Variants in CELF2 observed in about 807,000 individuals in gnomAD.
CELF2 encodes CUGBP Elav-like family member 2.
A neutral mutation model predicts 62.6 loss-of-function variants in CELF2; 8 were observed. The observed-to-expected ratio is 0.13, with a 90% CI of 0.07 to 0.23. The LOEUF is 0.23. Ranked by LOEUF, CELF2 falls within the 10% of genes least tolerant of loss-of-function variation. The pLI is 1.00. For synonymous variants in CELF2, 258 were observed against 250.0 expected, an observed-to-expected ratio of 1.03 and a Z score of -0.30; for missense variants, 333 against 671.0, an observed-to-expected ratio of 0.50 and a Z score of 5.56.
In CELF2 at chr10:11,331,090, C is replaced by A. The variant is rs1192090065; in HGVS notation, c.*2037C>A. Reference sequence around the variant, plus strand: ...TGCTACCTATTTGTGTCACCTTTTGCTGAACTCACAGTTAGACAATCCATG... The same window carrying A: ...TGCTACCTATTTGTGTCACCTTTTGATGAACTCACAGTTAGACAATCCATG... On this transcript the variant is annotated 3_prime_UTR_variant, in exon 13 of 13. Coordinates refer to ENST00000633077, the MANE Select transcript of CELF2 (RefSeq NM_001326342.2). The A allele has an allele frequency of 6.6e-6, 1 of 152,418 alleles. No individual in the cohort carries two copies. The highest frequency in any genetic ancestry group is 1.5e-5 in the Non-Finnish European group (1 of 67,994). The allele number at this position is 152,418 out of a possible 1,614,324, so 9.4% of individuals were successfully genotyped here. A position where few individuals can be genotyped will look rare whatever the true frequency, so the allele number is the denominator to read the frequency against.
chr10:10,582,157 C>T, the CELF2 span, among the ~76,000 whole-genome samples: 1 of 152,198 alleles, frequency 6.6e-6, no homozygotes, highest in Admixed American at 6.5e-5. Flanking sequence ...TCCTATCATA[C>T]TTTCTATCCA....
chr10:11,254,692 C>A (rs1315838154), intron 4 of CELF2, among the ~76,000 whole-genome samples: 1 of 152,172 alleles, frequency 6.6e-6, no homozygotes, highest in Non-Finnish European at 1.5e-5. Flanking sequence ...AAACCAAGGA[C>A]TTGGTGGGAA....
chr10:10,683,582 T>C, the CELF2 span, among the ~76,000 whole-genome samples: 3,252 of 152,278 alleles, frequency 0.021, 93 homozygotes, highest in South Asian at 0.079. Context: ...GAATAACATG[T>C]AGTGAACTGA....
the CELF2 span, among the ~76,000 whole-genome samples, chr10:10,756,707 A>G: frequency 9.2e-5 from 14 of 152,218 alleles, no homozygotes; most frequent in East Asian, 1.9e-4. Flanking sequence ...ATTCACATCT[A>G]TTCACTCTAT....
the CELF2 span, among the ~76,000 whole-genome samples, chr10:10,710,420 A>G: frequency 1.3e-5 from 2 of 152,206 alleles, no homozygotes; most frequent in Non-Finnish European, 2.9e-5. Flanking sequence ...ATTACAGGGA[A>G]ACCAGAAGCA....
At chr10:10,480,315 T>A in the CELF2 span, among the ~76,000 whole-genome samples, 1 of 152,202 alleles carries the variant, frequency 6.6e-6, no homozygotes, top group African/African-American at 2.4e-5. Flanking sequence ...ACTGAAGCAG[T>A]GGATCCCCCT....
At chr10:10,602,099 A>G in the CELF2 span, among the ~76,000 whole-genome samples, 1 of 152,172 alleles carries the variant, frequency 6.6e-6, no homozygotes, top group Non-Finnish European at 1.5e-5. Flanking sequence ...ATAGTATTCC[A>G]TGGTGTATAT....
chr10:10,471,450 A>C, the CELF2 span, among the ~76,000 whole-genome samples: 1 of 151,748 alleles, frequency 6.6e-6, no homozygotes, highest in Non-Finnish European at 1.5e-5. Context: ...TAATTGTTAC[A>C]TTATACTGCT....
the CELF2 span, among the ~76,000 whole-genome samples, chr10:10,691,909 C>T: frequency 2.0e-5 from 3 of 150,402 alleles, no homozygotes; most frequent in Admixed American, 6.6e-5. Context: ...GGATATTAGC[C>T]CTTTGTCAGA....
chr10:11,020,540 G>T (rs1478295382), intron 1 of CELF2, among the ~76,000 whole-genome samples: 1 of 152,158 alleles, frequency 6.6e-6, no homozygotes, highest in Non-Finnish European at 1.5e-5. Flanking sequence ...TTGTTTTAGG[G>T]ACTGGTTGTC....
At chr10:11,149,184 C>T (rs1456434772) in intron 1 of CELF2, among the ~76,000 whole-genome samples, 1 of 152,182 alleles carries the variant, frequency 6.6e-6, no homozygotes, top group African/African-American at 2.4e-5. Context: ...GATTCTCATG[C>T]CTCAGCCTCC....
the CELF2 span, among the ~76,000 whole-genome samples, chr10:10,615,257 T>C: frequency 5.9e-5 from 9 of 152,244 alleles, no homozygotes; most frequent in African/African-American, 2.2e-4. Context: ...CCAATTCACC[T>C]ACTGTTTAAA....
At chr10:11,056,342 C>A (rs2140266058) in intron 1 of CELF2, among the ~76,000 whole-genome samples, 1 of 152,330 alleles carries the variant, frequency 6.6e-6, no homozygotes, top group South Asian at 2.1e-4. Context: ...TCACGTCTGC[C>A]TTTTCTAAGA....
At chr10:10,722,336 A>T in the CELF2 span, among the ~76,000 whole-genome samples, 1 of 150,864 alleles carries the variant, frequency 6.6e-6, no homozygotes, top group East Asian at 1.9e-4. Context: ...TAAAAAACTT[A>T]AAAAAAAACG....
chr10:10,858,493 G>A (rs1350320399), intron 1 of CELF2, among the ~76,000 whole-genome samples: 1 of 152,094 alleles, frequency 6.6e-6, no homozygotes, highest in Non-Finnish European at 1.5e-5. Flanking sequence ...CATCAGAGAA[G>A]CCTTATTGAT....
At position 11,227,553 on chromosome 10, in the gene CELF2, G is replaced by A. The variant is rs2067048138; in HGVS notation, c.354+10046G>A. 6.6e-6 allele frequency among the ~76,000 whole-genome samples: 1 copy of A among 152,192 alleles called. No homozygotes were observed. The highest frequency in any genetic ancestry group is 6.5e-5 in the Admixed American group (1 of 15,282). On this transcript the variant is annotated intron_variant, in intron 3 of 12. Coordinates refer to ENST00000633077, the MANE Select transcript of CELF2 (RefSeq NM_001326342.2). The surrounding 1 kb of genome is among the most constrained non-coding windows in gnomAD (Gnocchi z 4.8). ...GCTGAGCACTGGCTGCGATATTAGGGCCAGTTCTGGGTTGGCTCTGTCTAG... is the reference window on the plus strand; with the variant it reads ...GCTGAGCACTGGCTGCGATATTAGGACCAGTTCTGGGTTGGCTCTGTCTAG...
intron 9 of CELF2, among the ~76,000 whole-genome samples, chr10:11,299,197 G>C (rs912252861): frequency 5.3e-5 from 8 of 152,238 alleles, no homozygotes; most frequent in African/African-American, 1.9e-4. Context: ...TCTGCACTAA[G>C]GGTCAGGCCT....
At chr10:11,045,141 TG>T (rs2139707994) in intron 1 of CELF2, among the ~76,000 whole-genome samples, 1 of 152,328 alleles carries the variant, frequency 6.6e-6, no homozygotes, top group African/African-American at 2.4e-5. Flanking sequence ...TACCTAAGGC[TG>T]AGTCTTAACT....
At chr10:10,618,363 C>T in the CELF2 span, among the ~76,000 whole-genome samples, 1,441 of 152,168 alleles carry the variant, frequency 9.5e-3, 10 homozygotes, top group South Asian at 0.037. Context: ...TGAAAGAGCC[C>T]TGATCATTTA....
Sources: allele counts gnomAD v4.1 joint callset (sites outside exome capture counted in the v4.1 genomes callset), GRCh38; gene constraint gnomAD v4.1.1; non-coding constraint Gnocchi (gnomAD v3.1); transcripts MANE v1.5; gene names NCBI Gene and HGNC (gene_info 2026-07-23, HGNC 2026-07-21).